LRRN3: variants seen among roughly 807,000 people sequenced by gnomAD.
LRRN3 encodes leucine-rich repeat neuronal protein 3.
Under a neutral mutation model 40.1 loss-of-function variants are expected in LRRN3, and 15 were observed. The observed-to-expected ratio is 0.37, with a 90% CI of 0.25 to 0.58. The LOEUF (loss-of-function observed/expected upper bound fraction) is 0.58. LRRN3 is among the 20% of genes least tolerant of loss of function. The pLI is 0.72. For synonymous variants in LRRN3, 308 were observed against 297.2 expected, an observed-to-expected ratio of 1.04 and a Z score of -0.37; for missense variants, 746 against 837.7, an observed-to-expected ratio of 0.89 and a Z score of 1.35.
chr7:111,100,588 C>A (rs1797870122), intron 2 of LRRN3, among the ~76,000 whole-genome samples: 1 of 150,524 alleles, frequency 6.6e-6, no homozygotes, highest in South Asian at 2.1e-4. Context: ...TAATATAATT[C>A]AACTAATCTA....
intron 2 of LRRN3, among the ~76,000 whole-genome samples, chr7:111,116,482 T>C (rs886075345): frequency 1.8e-4 from 27 of 152,188 alleles, no homozygotes; most frequent in African/African-American, 6.0e-4. Context: ...CATTTTACTA[T>C]ATAAATTTTG....
chr7:111,104,353 A>C (rs922479645), intron 2 of LRRN3, among the ~76,000 whole-genome samples: 2 of 151,894 alleles, frequency 1.3e-5, no homozygotes, highest in Middle Eastern at 3.4e-3. Context: ...AGAGAATGAA[A>C]CAATTTCTTT....
chr7:111,124,849 T>A lies in LRRN3; in HGVS notation c.2077T>A (p.Ser693Thr), dbSNP rs745504276. 3 of 1,609,288 alleles carry A rather than the reference T, an allele frequency of 1.9e-6. No individual in the cohort carries two copies. Among genetic ancestry groups the A allele is most frequent in the Non-Finnish European group, 2.5e-6 (3 of 1,179,310 alleles). Residue 693 changes from serine to threonine, a missense_variant, in exon 3 of 3, where the codon TCA (serine) becomes ACA (threonine). Coordinates refer to ENST00000308478, the MANE Select transcript of LRRN3 (RefSeq NM_001099658.2). Reference sequence around the variant, plus strand: ...GGAAGCAGGAAAAGAAAAAAGTACATCACTGAAAGTAAAAGCAACTGTTAT... The same window carrying A: ...GGAAGCAGGAAAAGAAAAAAGTACAACACTGAAAGTAAAAGCAACTGTTAT... ...LWEAGKEKST[S>T]LKVKATVIGL...
In LRRN3 at chr7:111,124,194, T is replaced by C. The variant is rs35151795; in HGVS notation, c.1422T>C (p.Tyr474=). 6,907 of 1,613,962 alleles carry C rather than the reference T, an allele frequency of 4.3e-3. 206 individuals are homozygous for C. The African/African-American group carries it at 0.073, about 17-fold the overall frequency. The change falls in exon 3 of 3, where the codon TAT becomes TAC. Residue 474 remains tyrosine (Y), a synonymous_variant. Coordinates refer to ENST00000308478, the MANE Select transcript of LRRN3 (RefSeq NM_001099658.2). The part of the protein sequence containing the change: ...LLPNTLTDKF[Y]VHSEGTLDIN... ...CTAATACCCTGACAGACAAGTTCTA[T>C]GTCCATTCTGAGGGAACACTAGATA...
At chr7:111,095,124 A>T (rs572519695) in intron 1 of LRRN3, among the ~76,000 whole-genome samples, 1 of 152,138 alleles carries the variant, frequency 6.6e-6, no homozygotes, top group East Asian at 1.9e-4. Flanking sequence ...AACACATGAC[A>T]CAGCTTCAGG....
At chr7:111,102,581 T>C (rs1422435103) in intron 2 of LRRN3, among the ~76,000 whole-genome samples, 1 of 151,600 alleles carries the variant, frequency 6.6e-6, no homozygotes, top group Non-Finnish European at 1.5e-5. Context: ...TTTTGTTTTG[T>C]TTAAATCAGT....
intron 2 of LRRN3, among the ~76,000 whole-genome samples, chr7:111,121,385 C>T (rs539507543): frequency 6.5e-4 from 99 of 152,268 alleles, no homozygotes; most frequent in South Asian, 2.7e-3. Flanking sequence ...TCAATTTTGG[C>T]TTTTGTTGCC....
intron 1 of LRRN3, among the ~76,000 whole-genome samples, chr7:111,098,529 T>C (rs997013076): frequency 1.3e-5 from 2 of 151,800 alleles, no homozygotes; most frequent in African/African-American, 4.8e-5. Flanking sequence ...AGAGCCCTTA[T>C]ACGTTCAAAC....
At chr7:111,110,091 C>G (rs1392758347) in intron 2 of LRRN3, among the ~76,000 whole-genome samples, 1 of 152,122 alleles carries the variant, frequency 6.6e-6, no homozygotes, top group Admixed American at 6.5e-5. Context: ...GCTGAGATCA[C>G]GCCACTGCAC....
chr7:111,093,429 G>C (rs1283556950), intron 1 of LRRN3, among the ~76,000 whole-genome samples: 1 of 152,166 alleles, frequency 6.6e-6, no homozygotes, highest in Non-Finnish European at 1.5e-5. Flanking sequence ...GAAAAGACTT[G>C]AAGTAGATAC....
chr7:111,121,400 C>T (rs1021725783), intron 2 of LRRN3, among the ~76,000 whole-genome samples: 2 of 152,136 alleles, frequency 1.3e-5, no homozygotes, highest in African/African-American at 4.8e-5. Flanking sequence ...GTTGCCATTG[C>T]TTTTGGTGTT....
chr7:111,112,323 T>C (rs1336781027), intron 2 of LRRN3, among the ~76,000 whole-genome samples: 1 of 152,158 alleles, frequency 6.6e-6, no homozygotes, highest in African/African-American at 2.4e-5. Context: ...AGGAACTAAA[T>C]GACAAAGCTT....
chr7:111,094,976 T>C (rs771271558), intron 1 of LRRN3, among the ~76,000 whole-genome samples: 4 of 152,078 alleles, frequency 2.6e-5, no homozygotes, highest in Middle Eastern at 3.2e-3. Flanking sequence ...TCTCAAATCT[T>C]TCTGAAGAAG....
chr7:111,093,254 C>T (rs936163800), intron 1 of LRRN3, among the ~76,000 whole-genome samples: 4 of 152,090 alleles, frequency 2.6e-5, no homozygotes, highest in African/African-American at 7.2e-5. Flanking sequence ...CAGCTTTGCT[C>T]GCTCTGCCTC....
At position 111,106,155 on chromosome 7, in the gene LRRN3, T is replaced by C. The variant is rs150858761; in HGVS notation, c.-359+6193T>C. ...ACATTGGAGCAGACAAATTAGCACC[T>C]ACATGCTAAATAAAATGGGAGGAAT... On this transcript the variant is annotated intron_variant, in intron 2 of 2. Transcript: ENST00000308478. 4.7e-3 allele frequency among the ~76,000 whole-genome samples: 709 copies of C among 152,072 alleles called. 9 individuals carry two copies. The highest frequency in any genetic ancestry group is 6.6e-3 in the Non-Finnish European group (450 of 67,876).
chr7:111,113,179 T>C (rs1330724643), intron 2 of LRRN3, among the ~76,000 whole-genome samples: 1 of 152,208 alleles, frequency 6.6e-6, no homozygotes, highest in Non-Finnish European at 1.5e-5. Flanking sequence ...TCTCTATCTA[T>C]ACTAGGTCAT....
At chr7:111,107,086 C>T (rs925377519) in intron 2 of LRRN3, among the ~76,000 whole-genome samples, 15 of 151,882 alleles carry the variant, frequency 9.9e-5, no homozygotes, top group Admixed American at 9.9e-4. Flanking sequence ...TTTGCAGATG[C>T]TCATGAATAG....
intron 2 of LRRN3, among the ~76,000 whole-genome samples, chr7:111,102,399 T>C (rs533604902): frequency 6.6e-6 from 1 of 151,586 alleles, no homozygotes; most frequent in African/African-American, 2.4e-5. Flanking sequence ...TCTTAGCTGC[T>C]GGAGTTTAGC....
chr7:111,103,003 A>G (rs1260482069), intron 2 of LRRN3, among the ~76,000 whole-genome samples: 1 of 151,584 alleles, frequency 6.6e-6, no homozygotes, highest in Non-Finnish European at 1.5e-5. Flanking sequence ...ATTGCTGACA[A>G]TAACATGGTC....
Sources: allele counts gnomAD v4.1 joint callset (sites outside exome capture counted in the v4.1 genomes callset), GRCh38; gene constraint gnomAD v4.1.1; transcripts MANE v1.5; gene names NCBI Gene and HGNC (gene_info 2026-07-23, HGNC 2026-07-21).